SCAPER: variants seen among roughly 807,000 people sequenced by gnomAD.
The protein encoded by SCAPER is S-phase cyclin A associated protein in the ER, also known as S phase cyclin A-associated protein in the endoplasmic reticulum.
SCAPER carries 98 observed loss-of-function variants against 182.2 expected under a neutral mutation model. The observed-to-expected ratio is 0.54, with a 90% CI of 0.46 to 0.64. SCAPER has a LOEUF of 0.64. Among genes scored for constraint, SCAPER ranks in the 30% least tolerant of loss-of-function variants. The pLI is 0.00. For missense variants in SCAPER, 1,432 were observed against 1,690.0 expected (o/e 0.85, Z 2.68); for synonymous variants, 605 against 564.6 (o/e 1.07, Z -1.01).
At chr15:76,594,781 C>T (rs56335303) in intron 22 of SCAPER, among the ~76,000 whole-genome samples, 9,462 of 120,408 alleles carry the variant, frequency 0.079, 2,647 homozygotes, top group South Asian at 0.17. Context: ...AAATGCTGAG[C>T]GATTTTGTCA....
At chr15:76,658,651 A>T (rs1037093371) in intron 21 of SCAPER, among the ~76,000 whole-genome samples, 1 of 152,080 alleles carries the variant, frequency 6.6e-6, no homozygotes. Flanking sequence ...CATTACCCAC[A>T]TTACCCAACT....
chr15:76,860,230 T>C (rs1354683062), intron 3 of SCAPER, among the ~76,000 whole-genome samples: 1 of 152,140 alleles, frequency 6.6e-6, no homozygotes, highest in Non-Finnish European at 1.5e-5. Flanking sequence ...GAGAATACAA[T>C]TTCATATAAA....
chr15:76,860,296 T>C (rs1441609215), intron 3 of SCAPER, among the ~76,000 whole-genome samples: 1 of 152,162 alleles, frequency 6.6e-6, no homozygotes, highest in Non-Finnish European at 1.5e-5. Flanking sequence ...TGTTGATATG[T>C]ACTTTTATCA....
At chr15:76,495,644 T>C (rs548465974) in intron 24 of SCAPER, among the ~76,000 whole-genome samples, 2 of 148,290 alleles carry the variant, frequency 1.3e-5, no homozygotes, top group South Asian at 4.3e-4. Context: ...GTGCATCTGG[T>C]ACTTGACTAT....
chr15:76,769,753 G>A (rs892515852), intron 10 of SCAPER, among the ~76,000 whole-genome samples: 1 of 152,186 alleles, frequency 6.6e-6, no homozygotes, highest in African/African-American at 2.4e-5. Flanking sequence ...GGAAGACTTG[G>A]TGGGAGTGTA....
intron 31 of SCAPER, 74 bp downstream of exon 31, chr15:76,351,163 T>A: frequency 7.6e-7 from 1 of 1,319,084 alleles, no homozygotes; most frequent in South Asian, 1.4e-5. Flanking sequence ...AATGTAGCAG[T>A]TCCAGAGGAA....
Position 76,563,973 on chromosome 15 carries a change from T to C in SCAPER, c.2838+10185A>G, listed in dbSNP as rs113201886. Among the ~76,000 whole-genome samples, 114 of 152,176 alleles carry C rather than the reference T, an allele frequency of 7.5e-4. 1 individual carries two copies. Among genetic ancestry groups the C allele is most frequent in the Non-Finnish European group, 2.4e-4 (16 of 68,032 alleles). ...TTTGATAAAATTCAACATCCCTTCA[T>C]GTTAAAAACTCTCAATAAAGTAGGT... On this transcript the variant is annotated intron_variant, in intron 23 of 31. Coordinates refer to ENST00000563290, the MANE Select transcript of SCAPER (RefSeq NM_020843.4).
intron 26 of SCAPER, among the ~76,000 whole-genome samples, chr15:76,429,483 A>G (rs1224783674): frequency 3.3e-5 from 5 of 152,150 alleles, no homozygotes; most frequent in Admixed American, 3.3e-4. Flanking sequence ...CGACAATGAA[A>G]TCCAGGCTGA....
At chr15:76,450,010 T>A (rs1014473425) in intron 25 of SCAPER, among the ~76,000 whole-genome samples, 1 of 152,256 alleles carries the variant, frequency 6.6e-6, no homozygotes, top group African/African-American at 2.4e-5. Flanking sequence ...TCAGTTCTAC[T>A]GTTGTAAGAA....
At chr15:76,904,993 T>C (rs1222204479) in intron 1 of SCAPER, among the ~76,000 whole-genome samples, 1 of 151,876 alleles carries the variant, frequency 6.6e-6, no homozygotes, top group African/African-American at 2.4e-5. Flanking sequence ...CCGCGTAGTG[T>C]GCGGGGTCTC....
At chr15:76,455,620 G>A (rs2048671332) in intron 25 of SCAPER, among the ~76,000 whole-genome samples, 1 of 152,114 alleles carries the variant, frequency 6.6e-6, no homozygotes, top group Non-Finnish European at 1.5e-5. Flanking sequence ...AATTATAGAT[G>A]TACACCACCA....
chr15:76,722,341 G>A (rs1387616258), intron 17 of SCAPER, among the ~76,000 whole-genome samples: 1 of 152,170 alleles, frequency 6.6e-6, no homozygotes, highest in Non-Finnish European at 1.5e-5. Flanking sequence ...GTATTTTATT[G>A]AGGATTTTTG....
At chr15:76,376,378 C>A in intron 28 of SCAPER, 67 bp from the exon 29 acceptor site, 1 of 1,492,342 alleles carries the variant, frequency 6.7e-7, no homozygotes, top group South Asian at 1.3e-5. Flanking sequence ...AATCACAAAG[C>A]AAGACTGGCC....
At chr15:76,609,775 T>C (rs2050812376) in intron 22 of SCAPER, among the ~76,000 whole-genome samples, 2 of 152,222 alleles carry the variant, frequency 1.3e-5, no homozygotes, top group Non-Finnish European at 2.9e-5. Context: ...AGTAAAATCA[T>C]GGTAAGAGGT....
intron 22 of SCAPER, among the ~76,000 whole-genome samples, chr15:76,606,917 C>T (rs1172334238): frequency 5.9e-5 from 9 of 152,126 alleles, no homozygotes; most frequent in Admixed American, 1.3e-4. Flanking sequence ...TATCTCTGCA[C>T]GTGAGATGGG....
chr15:76,572,907 T>TCACACA (rs1354938338), intron 23 of SCAPER, among the ~76,000 whole-genome samples: 6 of 55,878 alleles, frequency 1.1e-4, no homozygotes, highest in Non-Finnish European at 1.8e-4. Flanking sequence ...TCTCTCTCTC[T>TCACACA]CTCTCTCTCT....
Position 76,862,444 on chromosome 15 carries a change from A to G in SCAPER, c.96T>C (p.Ser32=). ...CATCATCTTTGCTTTCTAGTGGAAC[A>G]CTCCAAGCTATTAGGTTTCTTGCTG... ...GRTARNLIAW[S]VPLESKDDDG... Residue 32 remains serine (S), a synonymous_variant, in exon 3 of 32, where the codon AGT becomes AGC. Coordinates refer to ENST00000563290, the MANE Select transcript of SCAPER (RefSeq NM_020843.4). 1 of 1,611,158 alleles carries G rather than the reference A, an allele frequency of 6.2e-7. No individual in the cohort carries two copies. The highest frequency in any genetic ancestry group is 8.5e-7 in the Non-Finnish European group (1 of 1,177,878).
intron 25 of SCAPER, among the ~76,000 whole-genome samples, chr15:76,441,568 T>C (rs1314763960): frequency 6.6e-6 from 1 of 152,166 alleles, no homozygotes; most frequent in African/African-American, 2.4e-5. Context: ...ATTAATATAC[T>C]AAGTCAGTCT....
At chr15:76,840,776 T>C (rs62029197) in intron 5 of SCAPER, among the ~76,000 whole-genome samples, 10,175 of 152,308 alleles carry the variant, frequency 0.067, 373 homozygotes, top group Middle Eastern at 0.11. Context: ...AAAAGTAATA[T>C]GGTATAAAGT....
Sources: gnomAD v4.1 joint callset for allele counts (sites outside exome capture counted in the v4.1 genomes callset) on GRCh38, gnomAD v4.1.1 for gene constraint, MANE v1.5 for transcripts, NCBI Gene and HGNC (gene_info 2026-07-23, HGNC 2026-07-21) for gene names.